Variants in IQGAP2 observed in about 807,000 individuals in gnomAD.
IQGAP2 encodes the protein ras GTPase-activating-like protein IQGAP2.
Under a neutral mutation model 201.3 loss-of-function variants are expected in IQGAP2, and 173 were observed. The observed-to-expected ratio is 0.86, with a 90% CI of 0.76 to 0.98. IQGAP2 has a LOEUF of 0.98. Among genes scored for constraint, IQGAP2 ranks in the 50% least tolerant of loss-of-function variants. The pLI is 0.00. For missense variants in IQGAP2, 1,687 were observed against 1,864.8 expected (o/e 0.90, Z 1.76); for synonymous variants, 675 against 673.9 (o/e 1.00, Z -0.03).
chr5:76,408,162 A>G (rs1004067402), intron 1 of IQGAP2, among the ~76,000 whole-genome samples: 2 of 152,060 alleles, frequency 1.3e-5, no homozygotes, highest in African/African-American at 4.8e-5. Context: ...CTCTGTCTCA[A>G]AAAAAACAAA....
rs76821689 is a variant in IQGAP2 at position 76,683,713 on chromosome 5, A to G, written c.3764-63A>G. ...CTTTCCCACAGAACCTTTATCTTAC[A>G]TTGTTGGTGCCATCATCACAAAGAG... On this transcript the variant is annotated intron_variant, in intron 29 of 35. Transcript: ENST00000274364. 7.4e-6 allele frequency: 11 copies of G among 1,480,692 alleles called. No homozygotes were observed. The South Asian group carries it at 1.2e-4, about 16-fold the overall frequency. The allele number at this position is 1,480,692 out of a possible 1,614,324, so 91.7% of individuals were successfully genotyped here.
At chr5:76,704,039 G>T (rs1472100083) in intron 35 of IQGAP2, among the ~76,000 whole-genome samples, 1 of 152,174 alleles carries the variant, frequency 6.6e-6, no homozygotes, top group Non-Finnish European at 1.5e-5. Flanking sequence ...TTGAGATAAT[G>T]GAGTAAATTA....
intron 2 of IQGAP2, among the ~76,000 whole-genome samples, chr5:76,469,200 A>G (rs1448960503): frequency 6.6e-6 from 1 of 152,166 alleles, no homozygotes; most frequent in Non-Finnish European, 1.5e-5. Flanking sequence ...TGAAGCTGGG[A>G]ATTCCAGACA....
intron 2 of IQGAP2, among the ~76,000 whole-genome samples, chr5:76,509,300 T>A (rs1484739636): frequency 2.6e-5 from 4 of 152,112 alleles, no homozygotes; most frequent in Non-Finnish European, 4.4e-5. Flanking sequence ...ACAATGTTTA[T>A]GATCGTATTG....
intron 2 of IQGAP2, among the ~76,000 whole-genome samples, chr5:76,522,715 T>C (rs1464756172): frequency 6.6e-6 from 1 of 152,162 alleles, no homozygotes; most frequent in Non-Finnish European, 1.5e-5. Flanking sequence ...CTATGTACCT[T>C]GATAGAGCAG....
In IQGAP2 at chr5:76,668,558, AT is replaced by A. The variant is rs1476855710; in HGVS notation, c.2680-122del. The A allele has an allele frequency of 2.5e-5, 18 of 725,636 alleles. No individual in the cohort carries two copies. In the East Asian group the frequency reaches 4.7e-4, roughly 19 times the overall value. The allele number at this position is 725,636 out of a possible 1,614,324, so 44.9% of individuals were successfully genotyped here. ...AAAATTATTTTATATACTCATCTAT[AT>A]GCTTTTAGTGACATTAAGTCATTGA... On this transcript the variant is annotated intron_variant, in intron 22 of 35. Transcript: ENST00000274364.
At chr5:76,690,099 A>G (rs761675387) in intron 30 of IQGAP2, among the ~76,000 whole-genome samples, 2 of 152,150 alleles carry the variant, frequency 1.3e-5, no homozygotes, top group African/African-American at 4.8e-5. Context: ...GGATCAACCT[A>G]TCTTACATAT....
intron 22 of IQGAP2, 22 bp from the exon 23 acceptor site, chr5:76,668,659 C>A (rs750385201): frequency 1.8e-5 from 28 of 1,582,556 alleles, no homozygotes; most frequent in Non-Finnish European, 1.8e-5. Flanking sequence ...TTTTTGTTTT[C>A]TTTTTCCTTC....
intron 2 of IQGAP2, among the ~76,000 whole-genome samples, chr5:76,505,920 A>G (rs1039039769): frequency 6.6e-6 from 1 of 152,190 alleles, no homozygotes; most frequent in Admixed American, 6.5e-5. Flanking sequence ...ACACTTTTAC[A>G]GGAACTATCA....
At chr5:76,456,376 A>T (rs1043291330) in intron 1 of IQGAP2, among the ~76,000 whole-genome samples, 3 of 152,224 alleles carry the variant, frequency 2.0e-5, no homozygotes, top group African/African-American at 7.2e-5. Context: ...AAGTTTGATT[A>T]TGTAGTCCTT....
At chr5:76,601,122 T>C in intron 11 of IQGAP2, 150 bp downstream of exon 11, 1 of 664,106 alleles carries the variant, frequency 1.5e-6, no homozygotes, top group Non-Finnish European at 2.5e-6. Context: ...TTCTAATTAG[T>C]ATCCTTGTTT....
At position 76,606,222 on chromosome 5, in the gene IQGAP2, C is replaced by G; in HGVS notation, c.1276C>G (p.Gln426Glu). The change falls in exon 12 of 36, where the codon CAA (glutamine) becomes GAA (glutamate). Residue 426 changes from glutamine to glutamate, a missense_variant. By Grantham distance (29) the Gln-to-Glu change is conservative. Transcript: ENST00000274364. Reference protein sequence around the residue: ...LLSVKLEVLSQGQDNLSWNEI... With the variant: ...LLSVKLEVLSEGQDNLSWNEI... ...CTCTGTTAAACTAGAAGTTTTATCC[C>G]AAGGGCAAGATAACTTAAGCTGGAA... is the stretch of plus-strand genomic sequence containing the variant. 1 of 1,604,888 alleles carries G rather than the reference C, an allele frequency of 6.2e-7. No homozygotes were observed. The highest frequency in any genetic ancestry group is 1.7e-5 in the Admixed American group (1 of 59,316).
chr5:76,597,105 A>T (rs1274958928), intron 9 of IQGAP2: 1 of 232,020 alleles, frequency 4.3e-6, no homozygotes, highest in African/African-American at 2.3e-5. Flanking sequence ...GAAATCCTTA[A>T]GGACTGGAGC....
At position 76,570,648 on chromosome 5, in the gene IQGAP2, T is replaced by G; in HGVS notation, c.372T>G (p.Gly124=). The part of the protein sequence containing the change: ...VQWLRAMESI[G]LPKIFYPETT... ...GGTTAAGAGCGATGGAGTCTATTGG[T>G]CTACCCAAGGTAAGCCTTCACGCAC... The change falls in exon 4 of 36, where the codon GGT becomes GGG. Residue 124 remains glycine, a synonymous_variant. Coordinates refer to ENST00000274364, the MANE Select transcript of IQGAP2 (RefSeq NM_006633.5). 6.2e-7 allele frequency: 1 copy of G among 1,612,306 alleles called. No individual in the cohort carries two copies. Among genetic ancestry groups the G allele is most frequent in the Non-Finnish European group, 8.5e-7 (1 of 1,178,322 alleles).
intron 2 of IQGAP2, among the ~76,000 whole-genome samples, chr5:76,503,614 A>G (rs967451347): frequency 1.3e-4 from 19 of 151,516 alleles, no homozygotes; most frequent in African/African-American, 3.6e-4. Flanking sequence ...TTTTTGATAC[A>G]GAGTTTCACT....
intron 35 of IQGAP2, among the ~76,000 whole-genome samples, chr5:76,704,111 A>G (rs1358115582): frequency 6.6e-6 from 1 of 152,226 alleles, no homozygotes; most frequent in Admixed American, 6.5e-5. Context: ...AGTAAACAGT[A>G]TTGTTTTCTA....
At chr5:76,698,195 G>A (rs1746932981) in intron 33 of IQGAP2, 48 bp downstream of exon 33, 2 of 1,416,956 alleles carry the variant, frequency 1.4e-6, no homozygotes, top group African/African-American at 1.4e-5. Flanking sequence ...TGATTTCTAT[G>A]AGATGTCAAT....
At chr5:76,635,281 G>A (rs1297872620) in intron 15 of IQGAP2, among the ~76,000 whole-genome samples, 3 of 152,142 alleles carry the variant, frequency 2.0e-5, no homozygotes, top group Admixed American at 6.5e-5. Flanking sequence ...AATATAAGAA[G>A]TTCTAACTTA....
At chr5:76,639,048 C>A (rs1041229524) in intron 16 of IQGAP2, among the ~76,000 whole-genome samples, 7 of 152,026 alleles carry the variant, frequency 4.6e-5, no homozygotes, top group Non-Finnish European at 1.0e-4. Context: ...TGTAGAACTG[C>A]GAATGAGGTC....
Sources: allele counts gnomAD v4.1 joint callset (sites outside exome capture counted in the v4.1 genomes callset), GRCh38; gene constraint gnomAD v4.1.1; transcripts MANE v1.5; gene names NCBI Gene and HGNC (gene_info 2026-07-23, HGNC 2026-07-21).